ZZEF1: variants seen among roughly 807,000 people sequenced by gnomAD.
ZZEF1 encodes zinc finger ZZ-type and EF-hand domain containing 1.
ZZEF1 carries 157 observed loss-of-function variants against 342.8 expected under a neutral mutation model. The observed-to-expected ratio is 0.46, with a 90% CI of 0.40 to 0.52. The LOEUF (loss-of-function observed/expected upper bound fraction) is 0.52. Among genes scored for constraint, ZZEF1 ranks in the 20% least tolerant of loss-of-function variants. The pLI, the probability that ZZEF1 is intolerant of heterozygous loss-of-function variation, is 0.00. For synonymous variants in ZZEF1, 1,505 were observed against 1,429.1 expected (o/e 1.05, Z -1.20); for missense variants, 3,480 against 3,725.6 (o/e 0.93, Z 1.72).
chr17:4,013,480 G>A lies in ZZEF1; in HGVS notation c.8548C>T (p.Leu2850Phe). The change falls in exon 52 of 55, where the codon CTT becomes TTT. Residue 2850 changes from leucine (L) to phenylalanine (F), a missense_variant. Transcript: ENST00000381638. Reference protein sequence around the residue: ...GHQRLKAIHLLLRIVRCCGHS... With the variant: ...GHQRLKAIHLFLRIVRCCGHS... ...CCGCAGCATCGCACAATCCTCAGAA[G>A]TAAGTGGATGGCTTTTAATCGTTGA... is the stretch of plus-strand genomic sequence containing the variant. The A allele has an allele frequency of 6.2e-7, 1 of 1,613,204 alleles. No homozygotes were observed. Among genetic ancestry groups the A allele is most frequent in the Non-Finnish European group, 8.5e-7 (1 of 1,179,528 alleles).
intron 33 of ZZEF1, 97 bp downstream of exon 33, chr17:4,056,119 C>T: frequency 1.5e-6 from 2 of 1,304,588 alleles, no homozygotes; most frequent in Non-Finnish European, 2.0e-6. Flanking sequence ...CACCTGCAGC[C>T]CTCTCAGGTA....
chr17:4,099,914 A>G (rs573340657), intron 9 of ZZEF1, among the ~76,000 whole-genome samples: 9 of 22,236 alleles, frequency 4.0e-4, no homozygotes, highest in African/African-American at 6.8e-4. Context: ...TTCTTTTTAG[A>G]TAACAGGGAA....
intron 37 of ZZEF1, among the ~76,000 whole-genome samples, chr17:4,047,233 A>G (rs2056936606): frequency 1.3e-5 from 2 of 152,226 alleles, no homozygotes; most frequent in African/African-American, 4.8e-5. Context: ...AGCCTGAAAC[A>G]TCTTTCTCTA....
chr17:4,109,878 C>CA lies in ZZEF1; in HGVS notation c.1067-16dup. ...AATCTGGACATCTGTCGAGCACAAA[C>CA]AAAAAATTCAGTATTGGATTAACTT... On this transcript the variant is annotated splice_polypyrimidine_tract_variant and intron_variant, in intron 5 of 54. Coordinates refer to ENST00000381638, the MANE Select transcript of ZZEF1 (RefSeq NM_015113.4). The CA allele has an allele frequency of 6.2e-7, 1 of 1,613,376 alleles. No homozygotes were observed. The highest frequency in any genetic ancestry group is 8.5e-7 in the Non-Finnish European group (1 of 1,179,770).
At chr17:4,124,386 C>T (rs891587740) in intron 1 of ZZEF1, among the ~76,000 whole-genome samples, 1 of 152,132 alleles carries the variant, frequency 6.6e-6, no homozygotes, top group Admixed American at 6.5e-5. Flanking sequence ...CAACTGGTTG[C>T]AAAGTGCCAG....
rs1567801992 is a variant in ZZEF1, at chr17:4,058,256, AG to A, written c.5004-102del. 110 of 1,286,058 alleles carry A rather than the reference AG, an allele frequency of 8.6e-5. 1 individual carries two copies. The South Asian group carries it at 1.6e-3, about 19-fold the overall frequency. The allele number at this position is 1,286,058 out of a possible 1,614,324, so 79.7% of individuals were successfully genotyped here. ...GACCTGGTTTGCAATTGAAAGCAGA[AG>A]GGAACTTCACATTGCTGGTTTGGGT... On this transcript the variant is annotated intron_variant, in intron 31 of 54. Coordinates refer to ENST00000381638, the MANE Select transcript of ZZEF1 (RefSeq NM_015113.4).
At chr17:4,104,841 T>G (rs113663102) in intron 7 of ZZEF1, 30 bp from the exon 8 acceptor site, 9 of 1,597,684 alleles carry the variant, frequency 5.6e-6, no homozygotes, top group Non-Finnish European at 7.7e-6. Context: ...ACTTTTCACT[T>G]CTTAAAAACA....
At chr17:4,010,363 A>C (rs1355322906) in intron 52 of ZZEF1, among the ~76,000 whole-genome samples, 1 of 152,034 alleles carries the variant, frequency 6.6e-6, no homozygotes, top group Non-Finnish European at 1.5e-5. Context: ...CTTAAAAAAA[A>C]AAAAGTTATG....
At chr17:4,010,719 C>T (rs535432048) in intron 52 of ZZEF1, among the ~76,000 whole-genome samples, 15 of 656 alleles carry the variant, frequency 0.023, no homozygotes, top group African/African-American at 0.079. Context: ...TGTGAGATTC[C>T]GTCTCAAAAA....
At chr17:4,070,957 C>T (rs1426135670) in intron 25 of ZZEF1, 33 bp from the exon 26 acceptor site, 5 of 1,590,198 alleles carry the variant, frequency 3.1e-6, no homozygotes, top group Non-Finnish European at 1.7e-6. Context: ...TCACATTTAA[C>T]ACATTCATTC....
intron 13 of ZZEF1, among the ~76,000 whole-genome samples, 174 bp downstream of exon 13, chr17:4,088,504 T>C (rs1028478127): frequency 1.3e-5 from 2 of 152,224 alleles, no homozygotes; most frequent in Non-Finnish European, 2.9e-5. Context: ...CCCTGACTCA[T>C]GCCATGAATG....
chr17:4,063,700 T>C (rs939243009), intron 29 of ZZEF1, among the ~76,000 whole-genome samples: 1 of 151,200 alleles, frequency 6.6e-6, no homozygotes, highest in Non-Finnish European at 1.5e-5. Context: ...TAGCTGGGAC[T>C]ACGGGCAGGT....
chr17:4,067,275 C>A (rs1372075395), intron 26 of ZZEF1, 33 bp from the exon 27 acceptor site: 1 of 1,569,074 alleles, frequency 6.4e-7, no homozygotes, highest in South Asian at 1.1e-5. Context: ...AGATTACATT[C>A]AGGTAACACA....
chr17:4,090,980 G>A, intron 11 of ZZEF1, 150 bp from the exon 12 acceptor site: 1 of 636,534 alleles, frequency 1.6e-6, no homozygotes, highest in African/African-American at 1.8e-5. Context: ...TACCCTGTGA[G>A]CACATGAGAC....
At chr17:4,064,284 G>A in intron 29 of ZZEF1, 77 bp downstream of exon 29, 1 of 1,119,516 alleles carries the variant, frequency 8.9e-7, no homozygotes, top group Non-Finnish European at 1.3e-6. Flanking sequence ...TTTTTAACAT[G>A]AACTTCAAGC....
chr17:4,083,207 G>A (rs1480719164), intron 16 of ZZEF1, among the ~76,000 whole-genome samples: 1 of 152,264 alleles, frequency 6.6e-6, no homozygotes, highest in Non-Finnish European at 1.5e-5. Context: ...AAGGTTGGCA[G>A]TGCTATTTAA....
At chr17:4,031,317 A>AAAATAAATAAATAAAT (rs372245182) in intron 42 of ZZEF1, among the ~76,000 whole-genome samples, 10,874 of 143,316 alleles carry the variant, frequency 0.076, 456 homozygotes, top group African/African-American at 0.093. Flanking sequence ...CTTGGTCTCA[A>AAAATAAATAAATAAAT]AAATAAATAA....
rs182949087 is a variant in ZZEF1 at position 4,036,662 on chromosome 17, C to T, written c.6307-2370G>A. Among the ~76,000 whole-genome samples the T allele has an allele frequency of 3.2e-3, 490 of 150,792 alleles. 1 individual carries two copies. The highest frequency in any genetic ancestry group is 0.011 in the African/African-American group (450 of 40,960). Reference sequence around the variant, plus strand: ...CAGGAGAATCACTTGAACCGGGAGGCGGAGGTTGCAGTGAGCAGAGATTGC... The same window carrying T: ...CAGGAGAATCACTTGAACCGGGAGGTGGAGGTTGCAGTGAGCAGAGATTGC... On this transcript the variant is annotated intron_variant, in intron 39 of 54. Coordinates refer to ENST00000381638, the MANE Select transcript of ZZEF1 (RefSeq NM_015113.4).
intron 24 of ZZEF1, among the ~76,000 whole-genome samples, chr17:4,073,400 G>T (rs750911843): frequency 6.6e-6 from 1 of 152,112 alleles, no homozygotes; most frequent in Non-Finnish European, 1.5e-5. Flanking sequence ...TTCCCTGGAA[G>T]AATTAAATAA....
Sources: allele counts gnomAD v4.1 joint callset (sites outside exome capture counted in the v4.1 genomes callset), GRCh38; gene constraint gnomAD v4.1.1; transcripts MANE v1.5; gene names NCBI Gene and HGNC (gene_info 2026-07-23, HGNC 2026-07-21).